Variants in TMEM135 observed in about 807,000 individuals in gnomAD.
TMEM135 encodes transmembrane protein 135.
A neutral mutation model predicts 60.3 loss-of-function variants in TMEM135; 30 were observed. The ratio of observed to expected loss-of-function variants is 0.50; its 90% CI spans 0.37 to 0.68. TMEM135 has a LOEUF of 0.68. TMEM135 is among the 30% of genes least tolerant of loss of function. TMEM135 has a pLI of 0.00. For synonymous variants in TMEM135, 190 were observed against 186.7 expected, an observed-to-expected ratio of 1.02 and a Z score of -0.14; for missense variants, 468 against 548.8, an observed-to-expected ratio of 0.85 and a Z score of 1.47.
chr11:87,123,750 T>C (rs1937644495), intron 4 of TMEM135, among the ~76,000 whole-genome samples: 3 of 152,216 alleles, frequency 2.0e-5, no homozygotes, highest in Non-Finnish European at 1.5e-5. Flanking sequence ...AGATGCCTTA[T>C]TCTTACTGGG....
intron 5 of TMEM135, among the ~76,000 whole-genome samples, chr11:87,207,936 G>C (rs964322502): frequency 6.6e-6 from 1 of 152,160 alleles, no homozygotes; most frequent in African/African-American, 2.4e-5. Flanking sequence ...AGGCTTTTAG[G>C]TTTAGAGTAT....
chr11:87,295,689 C>T, intron 6 of TMEM135, 93 bp from the exon 7 acceptor site: 1 of 1,106,392 alleles, frequency 9.0e-7, no homozygotes, highest in Non-Finnish European at 1.3e-6. Flanking sequence ...TTAAGAGTTT[C>T]ATCTTTTAAA....
chr11:87,206,060 T>C (rs1355973398), intron 5 of TMEM135, among the ~76,000 whole-genome samples: 1 of 152,246 alleles, frequency 6.6e-6, no homozygotes, highest in Non-Finnish European at 1.5e-5. Context: ...GGTTGTGAAC[T>C]ACTGCTCTAG....
intron 5 of TMEM135, among the ~76,000 whole-genome samples, chr11:87,201,342 C>T (rs1202173072): frequency 2.0e-5 from 3 of 152,032 alleles, no homozygotes; most frequent in African/African-American, 7.2e-5. Context: ...TCCATTTTTT[C>T]TGTATGGAAA....
At chr11:87,102,748 GTA>G (rs1565441836) in intron 4 of TMEM135, among the ~76,000 whole-genome samples, 1,204 of 112,090 alleles carry the variant, frequency 0.011, 20 homozygotes, top group African/African-American at 0.044. Context: ...ATGTATATAT[GTA>G]TATATACAGC....
chr11:87,231,210 A>G (rs1940883462), intron 5 of TMEM135, among the ~76,000 whole-genome samples: 1 of 152,124 alleles, frequency 6.6e-6, no homozygotes, highest in African/African-American at 2.4e-5. Context: ...AGTTCACAGA[A>G]CAGGGGACTA....
At chr11:87,059,982 C>T (rs1387147849) in intron 1 of TMEM135, among the ~76,000 whole-genome samples, 2 of 152,112 alleles carry the variant, frequency 1.3e-5, no homozygotes, top group South Asian at 2.1e-4. Flanking sequence ...GGTGCAGTGG[C>T]ACATGCCTGT....
At chr11:87,241,404 G>T (rs972101995) in intron 6 of TMEM135, among the ~76,000 whole-genome samples, 2 of 151,318 alleles carry the variant, frequency 1.3e-5, no homozygotes, top group African/African-American at 4.9e-5. Flanking sequence ...ATACTTACAG[G>T]GTCCATGAGA....
intron 3 of TMEM135, among the ~76,000 whole-genome samples, chr11:87,087,636 C>T (rs538602385): frequency 5.3e-5 from 8 of 152,182 alleles, no homozygotes; most frequent in Non-Finnish European, 1.2e-4. Context: ...CAGTGTTATA[C>T]TCGGCTTAAT....
chr11:87,171,924 A>C (rs1162952388), intron 5 of TMEM135, among the ~76,000 whole-genome samples: 2 of 152,048 alleles, frequency 1.3e-5, no homozygotes, highest in Non-Finnish European at 2.9e-5. Context: ...GCCACAGCTG[A>C]TCTGACAGGA....
rs544659040 is a variant in TMEM135 at position 87,232,880 on chromosome 11, G to A, written c.463-3758G>A. ...GAAAAATACTCAGTTACTGGGGGCA[G>A]TAGCTTATACCTGTAATCCCAGCAC... On this transcript the variant is annotated intron_variant, in intron 5 of 14. Coordinates refer to ENST00000305494, the MANE Select transcript of TMEM135 (RefSeq NM_022918.4). Among the ~76,000 whole-genome samples, 4 of 152,138 alleles carry A rather than the reference G, an allele frequency of 2.6e-5. No individual in the cohort carries two copies. The East Asian group carries it at 7.7e-4, about 29-fold the overall frequency.
intron 12 of TMEM135, among the ~76,000 whole-genome samples, chr11:87,316,343 A>G (rs1942729150): frequency 6.6e-6 from 1 of 151,364 alleles, no homozygotes; most frequent in South Asian, 2.1e-4. Context: ...TATATACATC[A>G]TGAAATCAGG....
chr11:87,094,562 T>TG (rs1857280236), intron 4 of TMEM135, among the ~76,000 whole-genome samples: 2 of 152,132 alleles, frequency 1.3e-5, no homozygotes, highest in African/African-American at 2.4e-5. Context: ...CAGTATAGGC[T>TG]AGGTGTGGTG....
At chr11:87,063,270 A>T (rs1486356103) in intron 1 of TMEM135, among the ~76,000 whole-genome samples, 1 of 152,212 alleles carries the variant, frequency 6.6e-6, no homozygotes, top group African/African-American at 2.4e-5. Flanking sequence ...GGTCATGTAA[A>T]TACATAAATA....
At chr11:87,176,913 TGC>T (rs1277010373) in intron 5 of TMEM135, among the ~76,000 whole-genome samples, 2 of 152,190 alleles carry the variant, frequency 1.3e-5, no homozygotes, top group Non-Finnish European at 2.9e-5. Context: ...GTGCATCCCA[TGC>T]ATATAACAAC....
At chr11:87,067,445 A>G (rs1856688330) in intron 1 of TMEM135, among the ~76,000 whole-genome samples, 1 of 152,050 alleles carries the variant, frequency 6.6e-6, no homozygotes, top group African/African-American at 2.4e-5. Context: ...ACAAATATTT[A>G]CCTCAATGTA....
At chr11:87,313,173 A>G (rs1182973985) in intron 10 of TMEM135, among the ~76,000 whole-genome samples, 1 of 151,878 alleles carries the variant, frequency 6.6e-6, no homozygotes, top group Non-Finnish European at 1.5e-5. Flanking sequence ...AGTGAAATTT[A>G]TGGATTTATT....
rs1395979319 is a variant in TMEM135 at position 87,309,660 on chromosome 11, T to C, written c.924T>C (p.Val308=). ...FQLGAFLGSF[V]SIYKGTSCFL... is the part of the protein sequence containing the mutation. ...TTGGAGCTTTTCTTGGCTCTTTTGT[T>C]AGTATATACAAGGTAAGGCTTTTAG... is the stretch of plus-strand genomic sequence containing the variant. The change falls in exon 10 of 15, where the codon GTT becomes GTC. Residue 308 remains valine, a synonymous_variant. Coordinates refer to ENST00000305494, the MANE Select transcript of TMEM135 (RefSeq NM_022918.4). 6.2e-7 allele frequency: 1 copy of C among 1,613,508 alleles called. No homozygotes were observed. The highest frequency in any genetic ancestry group is 1.1e-5 in the South Asian group (1 of 91,074).
chr11:87,112,160 C>T (rs138301524), intron 4 of TMEM135, among the ~76,000 whole-genome samples: 1 of 152,240 alleles, frequency 6.6e-6, no homozygotes, highest in East Asian at 1.9e-4. Flanking sequence ...AAATTTAGCA[C>T]TACTATGACA....
Sources: gnomAD v4.1 joint callset for allele counts (sites outside exome capture counted in the v4.1 genomes callset) on GRCh38, gnomAD v4.1.1 for gene constraint, MANE v1.5 for transcripts, NCBI Gene and HGNC (gene_info 2026-07-23, HGNC 2026-07-21) for gene names.